TMEM132D: variants seen among roughly 807,000 people sequenced by gnomAD.
TMEM132D encodes the protein transmembrane protein 132D, also known as mature OL transmembrane protein.
Under a neutral mutation model 62.3 loss-of-function variants are expected in TMEM132D, and 21 were observed. The observed-to-expected ratio is 0.34, with a 90% CI of 0.24 to 0.49. The LOEUF (loss-of-function observed/expected upper bound fraction) is 0.49, where lower values mean the gene tolerates loss of function less well. Among genes scored for constraint, TMEM132D ranks in the 20% least tolerant of loss-of-function variants. The probability of loss-of-function intolerance (pLI) is 0.99; values close to 1 mark genes in which losing one functional copy is unlikely to be tolerated. For missense variants in TMEM132D, 1,346 were observed against 1,402.8 expected (o/e 0.96, Z 0.65); for synonymous variants, 621 against 575.6 (o/e 1.08, Z -1.13).
intron 2 of TMEM132D, among the ~76,000 whole-genome samples, chr12:129,694,853 A>G (rs1370583772): frequency 6.6e-6 from 1 of 152,094 alleles, no homozygotes; most frequent in East Asian, 1.9e-4. Context: ...CTAAAAATAC[A>G]AAAAATTAGC....
intron 5 of TMEM132D, among the ~76,000 whole-genome samples, chr12:129,138,031 C>T (rs1355355662): frequency 1.3e-5 from 2 of 151,966 alleles, no homozygotes; most frequent in Non-Finnish European, 2.9e-5. Flanking sequence ...TTTTTCTTTT[C>T]TAAAATTTTA....
intron 3 of TMEM132D, among the ~76,000 whole-genome samples, chr12:129,480,653 G>T (rs1388722815): frequency 6.6e-6 from 1 of 152,208 alleles, no homozygotes; most frequent in African/African-American, 2.4e-5. Flanking sequence ...CTTCCTTAGG[G>T]ACGGTTGGAG....
intron 4 of TMEM132D, among the ~76,000 whole-genome samples, chr12:129,226,168 C>T (rs1033315721): frequency 2.0e-5 from 3 of 152,166 alleles, no homozygotes; most frequent in African/African-American, 7.2e-5. Context: ...ATTGCCAAGA[C>T]CAGTGAACTC....
intron 4 of TMEM132D, among the ~76,000 whole-genome samples, chr12:129,218,914 G>A (rs1189599598): frequency 6.6e-6 from 1 of 152,178 alleles, no homozygotes; most frequent in Non-Finnish European, 1.5e-5. Context: ...GTGGTGCCCA[G>A]AGGAACTCGA....
chr12:129,678,858 G>A (rs1397860238), intron 2 of TMEM132D, among the ~76,000 whole-genome samples: 2 of 150,722 alleles, frequency 1.3e-5, no homozygotes, highest in African/African-American at 5.0e-5. Context: ...TAGTACTCTA[G>A]TGTCATTTTT....
At chr12:129,409,382 A>G (rs1199162843) in intron 3 of TMEM132D, among the ~76,000 whole-genome samples, 1 of 152,066 alleles carries the variant, frequency 6.6e-6, no homozygotes, top group Non-Finnish European at 1.5e-5. Flanking sequence ...TCCCTTATAC[A>G]CACACACACA....
At chr12:129,442,447 G>A (rs1053355138) in intron 3 of TMEM132D, among the ~76,000 whole-genome samples, 9 of 152,118 alleles carry the variant, frequency 5.9e-5, no homozygotes, top group African/African-American at 2.2e-4. Context: ...TGAAACCTCA[G>A]GTAAGTCACT....
At chr12:129,523,397 C>T (rs763667819) in intron 3 of TMEM132D, among the ~76,000 whole-genome samples, 9 of 152,140 alleles carry the variant, frequency 5.9e-5, no homozygotes, top group African/African-American at 1.9e-4. Flanking sequence ...TTTTGATGAA[C>T]ACCAGCAAAT....
intron 4 of TMEM132D, among the ~76,000 whole-genome samples, chr12:129,286,021 G>C (rs1881287927): frequency 6.6e-6 from 1 of 152,132 alleles, no homozygotes; most frequent in Non-Finnish European, 1.5e-5. Context: ...TTTTCTTCTT[G>C]CTAACAAGAA....
intron 1 of TMEM132D, among the ~76,000 whole-genome samples, chr12:129,712,309 A>T (rs1047811424): frequency 2.6e-5 from 4 of 152,090 alleles, no homozygotes; most frequent in Admixed American, 2.6e-4. Flanking sequence ...TATTTTTAGT[A>T]GAAACGGGGT....
At chr12:129,330,474 C>T (rs764884577) in intron 4 of TMEM132D, among the ~76,000 whole-genome samples, 1 of 152,170 alleles carries the variant, frequency 6.6e-6, no homozygotes, top group Non-Finnish European at 1.5e-5. Context: ...GCCGTGAGGG[C>T]CCTACACTCG....
At position 129,811,388 on chromosome 12, in the gene TMEM132D, C is replaced by T. The variant is rs941565747; in HGVS notation, c.79+91873G>A. ...CTCCAGCCCCTCCCTCCATCCCTCA[C>T]TACCCAATGCTTGAAGTCCTGGCTT... On this transcript the variant is annotated intron_variant, in intron 1 of 8. Coordinates refer to ENST00000422113, the MANE Select transcript of TMEM132D (RefSeq NM_133448.3). 2.0e-5 allele frequency among the ~76,000 whole-genome samples: 3 copies of T among 151,660 alleles called. 1 individual carries two copies. The highest frequency in any genetic ancestry group is 2.0e-4 in the East Asian group (1 of 5,122).
At chr12:129,474,505 T>A (rs1485835412) in intron 3 of TMEM132D, among the ~76,000 whole-genome samples, 1 of 152,206 alleles carries the variant, frequency 6.6e-6, no homozygotes, top group African/African-American at 2.4e-5. Context: ...CATCGCAGTC[T>A]GCAGGCTTGA....
At chr12:129,360,227 T>C (rs1456877360) in intron 3 of TMEM132D, among the ~76,000 whole-genome samples, 2 of 152,078 alleles carry the variant, frequency 1.3e-5, no homozygotes, top group African/African-American at 4.8e-5. Flanking sequence ...AAAGAGATGA[T>C]CACAGCCAGA....
intron 2 of TMEM132D, among the ~76,000 whole-genome samples, chr12:129,604,626 A>C (rs1878568281): frequency 6.6e-6 from 1 of 152,190 alleles, no homozygotes; most frequent in Non-Finnish European, 1.5e-5. Flanking sequence ...TTTTCAGTTG[A>C]ATTAGAGAAG....
At chr12:129,623,178 T>G (rs1879119258) in intron 2 of TMEM132D, among the ~76,000 whole-genome samples, 1 of 152,240 alleles carries the variant, frequency 6.6e-6, no homozygotes, top group South Asian at 2.1e-4. Flanking sequence ...TTGAGTTTTC[T>G]CTCACAGATA....
At chr12:129,482,393 T>G (rs1874454252) in intron 3 of TMEM132D, among the ~76,000 whole-genome samples, 1 of 152,220 alleles carries the variant, frequency 6.6e-6, no homozygotes, top group Non-Finnish European at 1.5e-5. Context: ...CCATGCTATA[T>G]TAAATGAAAA....
intron 3 of TMEM132D, among the ~76,000 whole-genome samples, chr12:129,469,591 C>A (rs554404107): frequency 6.6e-6 from 1 of 152,254 alleles, no homozygotes; most frequent in Admixed American, 6.5e-5. Context: ...ATCACTGAGC[C>A]CCTGCTCTGT....
chr12:129,469,945 C>G lies in TMEM132D; in HGVS notation c.1115+61114G>C, dbSNP rs569019347. The stretch of plus-strand genomic sequence containing the variant: ...GTCTGCACTGGGGGGTCATAATCCC[C>G]TTCAAGCCTTTGTAAGATATGCTGA... On this transcript the variant is annotated intron_variant, in intron 3 of 8. Coordinates refer to ENST00000422113, the MANE Select transcript of TMEM132D (RefSeq NM_133448.3). 2.0e-5 allele frequency among the ~76,000 whole-genome samples: 3 copies of G among 152,302 alleles called. No individual in the cohort carries two copies. The East Asian group carries it at 5.8e-4, about 29-fold the overall frequency.
Sources: gnomAD v4.1 joint callset for allele counts (sites outside exome capture counted in the v4.1 genomes callset) on GRCh38, gnomAD v4.1.1 for gene constraint, MANE v1.5 for transcripts, NCBI Gene and HGNC (gene_info 2026-07-23, HGNC 2026-07-21) for gene names.